Variants in HDAC4 observed in about 807,000 individuals in gnomAD.
HDAC4 encodes the protein histone deacetylase A.
HDAC4 carries 16 observed loss-of-function variants against 135.1 expected under a neutral mutation model. That is an observed-to-expected ratio of 0.12 (90% CI 0.08 to 0.18). HDAC4 has a LOEUF of 0.18. HDAC4 is among the 10% of genes least tolerant of loss of function. The pLI is 1.00. For synonymous variants in HDAC4, 685 were observed against 653.4 expected (o/e 1.05, Z -0.74); for missense variants, 1,143 against 1,511.8 (o/e 0.76, Z 4.05).
intron 25 of HDAC4, 29 bp from the exon 26 acceptor site, chr2:239,053,630 C>T: frequency 6.2e-7 from 1 of 1,608,894 alleles, no homozygotes; most frequent in South Asian, 1.1e-5. Flanking sequence ...GAAAGTCGCT[C>T]AGTGACTACA....
intron 2 of HDAC4, among the ~76,000 whole-genome samples, chr2:239,278,039 C>T (rs925230470): frequency 5.9e-5 from 9 of 152,094 alleles, no homozygotes; most frequent in Admixed American, 2.0e-4. Flanking sequence ...TCCAGCCACA[C>T]GCTCCAGCTA....
Position 239,144,731 on chromosome 2 carries a change from T to G in HDAC4, c.734-17A>C, listed in dbSNP as rs775004440. The G allele has an allele frequency of 6.2e-7, 1 of 1,613,886 alleles. No individual in the cohort carries two copies. The highest frequency in any genetic ancestry group is 1.3e-5 in the African/African-American group (1 of 74,900). ...GTTCAGAAGCTGCACAAAAAGGAGA[T>G]GTCATTACAGCCAGGCAGACACCAC... On this transcript the variant is annotated splice_polypyrimidine_tract_variant and intron_variant, in intron 7 of 26. Transcript: ENST00000543185.
rs140256240 is a variant in HDAC4, at chr2:239,182,351, A to C, written c.340-5788T>G. ...CAGAGCTCACTCAGGGCGGAAACGCAGAGCGGACAGATGCAGCCTAATGCA... is the reference window on the plus strand; with the variant it reads ...CAGAGCTCACTCAGGGCGGAAACGCCGAGCGGACAGATGCAGCCTAATGCA... On this transcript the variant is annotated intron_variant, in intron 4 of 26. Transcript: ENST00000543185. Among the ~76,000 whole-genome samples the C allele has an allele frequency of 6.8e-3, 1,043 of 152,356 alleles. 12 individuals carry two copies. Among genetic ancestry groups the C allele is most frequent in the African/African-American group, 0.024 (1,007 of 41,582 alleles).
rs1425951743 is a variant in HDAC4, at chr2:239,366,831, C to T, written c.-219-13913G>A. On this transcript the variant is annotated intron_variant, in intron 1 of 26. Transcript: ENST00000543185. ...GACTTATCCCTGACTTATCCCTGCC[C>T]TACGCAGGGCACCCCCAGGGCAGGT... Among the ~76,000 whole-genome samples, 46 of 136,676 alleles carry T rather than the reference C, an allele frequency of 3.4e-4. 1 individual carries two copies. Among genetic ancestry groups the T allele is most frequent in the Admixed American group, 3.1e-3 (46 of 14,678 alleles). The allele number at this position is 136,676 out of a possible 152,430, so 89.7% of individuals were successfully genotyped here.
At position 239,156,734 on chromosome 2, in the gene HDAC4, G is replaced by C. The variant is rs747412815; in HGVS notation, c.651C>G (p.Pro217=). ...TATAGGAGGTCGACACTCCGCTCTG[G>C]GGTGGAGAACTCTGGTCAAGGGAAC... ...QHSSLDQSSP[P]QSGVSTSYNH... is the part of the protein sequence containing the mutation. Residue 217 remains proline (P), a synonymous_variant, in exon 7 of 27, where the codon CCC becomes CCG. Transcript: ENST00000543185. The C allele has an allele frequency of 5.6e-6, 9 of 1,614,136 alleles. No homozygotes were observed. The highest frequency in any genetic ancestry group is 7.6e-6 in the Non-Finnish European group (9 of 1,180,026).
rs536312805 is a variant in HDAC4, at chr2:239,117,038, CG to C, written c.1534-1729del. The stretch of plus-strand genomic sequence containing the variant: ...GTAGGGACCACTTCTGACTCATCCA[CG>C]TGGCACAGGCATTGCTCATCGCACA... On this transcript the variant is annotated intron_variant, in intron 12 of 26. Coordinates refer to ENST00000543185, the MANE Select transcript of HDAC4 (RefSeq NM_001378414.1). Among the ~76,000 whole-genome samples the C allele has an allele frequency of 2.6e-4, 39 of 152,302 alleles. 1 individual carries two copies. In the South Asian group the frequency reaches 8.1e-3, roughly 32 times the overall value.
intron 24 of HDAC4, among the ~76,000 whole-genome samples, chr2:239,059,460 G>T (rs1417951889): frequency 6.6e-6 from 1 of 152,154 alleles, no homozygotes; most frequent in Non-Finnish European, 1.5e-5. Context: ...CAACCCCAGG[G>T]ATGAAAGGGG....
intron 14 of HDAC4, among the ~76,000 whole-genome samples, chr2:239,111,126 G>C (rs2038631258): frequency 6.6e-6 from 1 of 152,270 alleles, no homozygotes; most frequent in Non-Finnish European, 1.5e-5. Context: ...CCTGTCACTG[G>C]AGCCTCAGCG....
intron 22 of HDAC4, among the ~76,000 whole-genome samples, chr2:239,071,682 A>G (rs2034211405): frequency 6.6e-6 from 1 of 151,994 alleles, no homozygotes; most frequent in South Asian, 2.1e-4. Context: ...GGTCCTGGGA[A>G]AGCCGTGCTC....
intron 3 of HDAC4, among the ~76,000 whole-genome samples, chr2:239,227,691 C>T (rs563654578): frequency 5.2e-4 from 79 of 152,292 alleles, no homozygotes; most frequent in African/African-American, 1.8e-3. Flanking sequence ...GGGCATGCCT[C>T]GGGTGCGGAG....
intron 2 of HDAC4, among the ~76,000 whole-genome samples, chr2:239,290,352 C>T (rs78539733): frequency 1.7e-3 from 253 of 152,282 alleles, no homozygotes; most frequent in African/African-American, 5.4e-3. Context: ...GAAGCACCAG[C>T]GACATGGGGA....
intron 3 of HDAC4, among the ~76,000 whole-genome samples, chr2:239,211,560 C>G (rs2046355693): frequency 6.6e-6 from 1 of 152,222 alleles, no homozygotes; most frequent in South Asian, 2.1e-4. Context: ...AGTTTCTCAC[C>G]TCACTTGGCT....
At chr2:239,264,905 GCTTT>G (rs1040636297) in intron 2 of HDAC4, among the ~76,000 whole-genome samples, 2 of 152,210 alleles carry the variant, frequency 1.3e-5, no homozygotes, top group African/African-American at 4.8e-5. Context: ...GTGGCAATGG[GCTTT>G]CTTTTTTCCA....
rs144102255 is a variant in HDAC4, at chr2:239,156,585, G to A, written c.733+67C>T. ...AGTGGAAGACAGCGGTGGGCCCTGCGTGGCTTGTGGCGTGGAAGGTGCCCG... is the reference window on the plus strand; with the variant it reads ...AGTGGAAGACAGCGGTGGGCCCTGCATGGCTTGTGGCGTGGAAGGTGCCCG... On this transcript the variant is annotated intron_variant, in intron 7 of 26. Transcript: ENST00000543185. 57 of 1,607,676 alleles carry A rather than the reference G, an allele frequency of 3.5e-5. No individual in the cohort carries two copies. In the African/African-American group the frequency reaches 6.7e-4, roughly 19 times the overall value.
chr2:239,166,583 A>C (rs977472409), intron 5 of HDAC4, among the ~76,000 whole-genome samples: 1 of 152,194 alleles, frequency 6.6e-6, no homozygotes, highest in African/African-American at 2.4e-5. Flanking sequence ...TCTGTCTGTA[A>C]GGGGACTGGT....
In HDAC4 at chr2:239,081,254, C is replaced by A. The variant is rs997887256; in HGVS notation, c.2653-62G>T. On this transcript the variant is annotated intron_variant, in intron 21 of 26. Coordinates refer to ENST00000543185, the MANE Select transcript of HDAC4 (RefSeq NM_001378414.1). ...CCGAGCGGGACCTGTCTGACAGGAACGCCTGATGCAGGTGGCACCGGGATG... is the reference window on the plus strand; with the variant it reads ...CCGAGCGGGACCTGTCTGACAGGAAAGCCTGATGCAGGTGGCACCGGGATG... The A allele has an allele frequency of 1.2e-5, 17 of 1,408,784 alleles. No homozygotes were observed. In the Admixed American group the frequency reaches 1.5e-4, roughly 13 times the overall value. The allele number at this position is 1,408,784 out of a possible 1,614,324, so 87.3% of individuals were successfully genotyped here.
At chr2:239,330,034 T>C (rs1302562928) in intron 2 of HDAC4, among the ~76,000 whole-genome samples, 1 of 152,210 alleles carries the variant, frequency 6.6e-6, no homozygotes, top group Non-Finnish European at 1.5e-5. Flanking sequence ...ACGTGGCCCC[T>C]GCCCTCCAAG....
intron 4 of HDAC4, among the ~76,000 whole-genome samples, chr2:239,179,558 CT>C (rs2044005578): frequency 6.6e-6 from 1 of 152,226 alleles, no homozygotes; most frequent in South Asian, 2.1e-4. Context: ...TCCCCCACCC[CT>C]GTCCACAGAA....
In HDAC4 at chr2:239,349,708, C is replaced by T. The variant is rs1377189965; in HGVS notation, c.22+2970G>A. Among the ~76,000 whole-genome samples, 1 of 152,240 alleles carries T rather than the reference C, an allele frequency of 6.6e-6. No individual in the cohort carries two copies. Among genetic ancestry groups the T allele is most frequent in the Non-Finnish European group, 1.5e-5 (1 of 68,038 alleles). On this transcript the variant is annotated intron_variant, in intron 2 of 26. Transcript: ENST00000543185. The surrounding 1 kb of genome is among the most constrained non-coding windows in gnomAD (Gnocchi z 5.7). ...CACGTGTTGGGCACAAGGGGTCCTG[C>T]CTCCCAAGGGACCTCCGGGCGGAAG...
Sources: gnomAD v4.1 joint callset for allele counts (sites outside exome capture counted in the v4.1 genomes callset) on GRCh38, gnomAD v4.1.1 for gene constraint, Gnocchi (gnomAD v3.1) non-coding constraint, MANE v1.5 for transcripts, NCBI Gene and HGNC (gene_info 2026-07-23, HGNC 2026-07-21) for gene names.